The following GRAP2 variants were observed in gnomAD, a reference collection of about 807,000 sequenced individuals.
The protein encoded by GRAP2 is GRB2 related adaptor protein 2, also known as GRB2-related adapter protein 2.
GRAP2 carries 31 observed loss-of-function variants against 43.5 expected under a neutral mutation model. The observed-to-expected ratio is 0.71, with a 90% CI of 0.54 to 0.96. The LOEUF is 0.96. GRAP2 is among the 40% of genes least tolerant of loss of function. The pLI is 0.00. For missense variants in GRAP2, 371 were observed against 424.4 expected (o/e 0.87, Z 1.11); for synonymous variants, 156 against 164.8 (o/e 0.95, Z 0.41).
At chr22:39,936,228 G>T (rs2066805194) in intron 1 of GRAP2, among the ~76,000 whole-genome samples, 3 of 152,102 alleles carry the variant, frequency 2.0e-5, no homozygotes, top group Admixed American at 2.0e-4. Context: ...CTTCTGATGG[G>T]GTTCATTAGA....
chr22:39,933,142 A>T (rs888332237), intron 1 of GRAP2, among the ~76,000 whole-genome samples: 3 of 136,796 alleles, frequency 2.2e-5, no homozygotes, highest in Non-Finnish European at 4.6e-5. Context: ...GCCTTTGTTT[A>T]AGTAAGAAGA....
chr22:39,970,846 C>T, intron 7 of GRAP2, 59 bp from the exon 8 acceptor site: 1 of 1,419,604 alleles, frequency 7.0e-7, no homozygotes, highest in Non-Finnish European at 9.5e-7. Flanking sequence ...GCCAGCAGAC[C>T]CTCCCCTGCC....
intron 1 of GRAP2, among the ~76,000 whole-genome samples, chr22:39,938,681 C>T (rs11913888): frequency 6.6e-6 from 1 of 152,246 alleles, no homozygotes; most frequent in Non-Finnish European, 1.5e-5. Flanking sequence ...GCCCACGCCT[C>T]GGTATCTCAC....
chr22:39,962,874 G>A (rs558646058), intron 4 of GRAP2, among the ~76,000 whole-genome samples: 2 of 152,066 alleles, frequency 1.3e-5, no homozygotes, highest in African/African-American at 4.8e-5. Context: ...TCGTCATGTT[G>A]GCCAGGCTGG....
At chr22:39,914,282 G>A (rs562172876) in intron 1 of GRAP2, among the ~76,000 whole-genome samples, 2 of 152,200 alleles carry the variant, frequency 1.3e-5, no homozygotes, top group African/African-American at 4.8e-5. Flanking sequence ...TGCACTTATA[G>A]TCTAGTTGGA....
Position 39,960,165 on chromosome 22 carries a change from T to C in GRAP2, c.281T>C (p.Ile94Thr). Residue 94 changes from isoleucine (I) to threonine (T), a missense_variant, in exon 4 of 8, where the codon ATC (isoleucine) becomes ACC (threonine). Physicochemically the swap from Ile to Thr is moderately conservative, Grantham distance 89 (BLOSUM62 -1). Coordinates refer to ENST00000344138, the MANE Select transcript of GRAP2 (RefSeq NM_004810.4). Reference sequence around the variant, plus strand: ...CAGAGCTCCCCAGGGGACTTCTCCATCTCTGTCAGGTACTGACCATTCCTG... The same window carrying C: ...CAGAGCTCCCCAGGGGACTTCTCCACCTCTGTCAGGTACTGACCATTCCTG... The part of the protein sequence containing the change: ...ASQSSPGDFS[I>T]SVRHEDDVQH... 6.2e-7 allele frequency: 1 copy of C among 1,613,850 alleles called. No homozygotes were observed. The highest frequency in any genetic ancestry group is 8.5e-7 in the Non-Finnish European group (1 of 1,179,722).
chr22:39,956,266 T>C (rs2067049741), intron 3 of GRAP2, among the ~76,000 whole-genome samples: 1 of 151,224 alleles, frequency 6.6e-6, no homozygotes, highest in South Asian at 2.1e-4. Context: ...CAAGCCATCC[T>C]CTCACCTCAG....
intron 1 of GRAP2, among the ~76,000 whole-genome samples, chr22:39,942,449 C>T (rs911104460): frequency 2.0e-5 from 3 of 152,166 alleles, no homozygotes; most frequent in Admixed American, 2.0e-4. Flanking sequence ...ACTACTCTCA[C>T]TATTCTCTTA....
At position 39,973,440 on chromosome 22, in the gene GRAP2, G is replaced by T. The variant is rs776357185; in HGVS notation, c.*2356G>T. 3 of 152,330 alleles carry T rather than the reference G, an allele frequency of 2.0e-5. No homozygotes were observed. The highest frequency in any genetic ancestry group is 3.9e-4 in the East Asian group (2 of 5,190). The allele number at this position is 152,330 out of a possible 1,614,324, so 9.4% of individuals were successfully genotyped here. A position where few individuals can be genotyped will look rare whatever the true frequency, so the allele number is the denominator to read the frequency against. The stretch of plus-strand genomic sequence containing the variant: ...TCATCGGCCTGCAGGAGCTGACCCC[G>T]TAGGCAGGCGGTATGAGCAGAGCTT... On this transcript the variant is annotated 3_prime_UTR_variant, in exon 8 of 8. Coordinates refer to ENST00000344138, the MANE Select transcript of GRAP2 (RefSeq NM_004810.4).
chr22:39,932,434 G>C (rs559839158), intron 1 of GRAP2, among the ~76,000 whole-genome samples: 290 of 151,984 alleles, frequency 1.9e-3, no homozygotes, highest in African/African-American at 6.8e-3. Context: ...TAGCTGGCTG[G>C]GCACAGTGGC....
At chr22:39,938,364 G>C (rs576007757) in intron 1 of GRAP2, among the ~76,000 whole-genome samples, 33 of 152,376 alleles carry the variant, frequency 2.2e-4, no homozygotes, top group African/African-American at 7.5e-4. Context: ...TGTGTAAAGT[G>C]TGTCCATACG....
At chr22:39,956,630 A>C (rs552614986) in intron 3 of GRAP2, among the ~76,000 whole-genome samples, 1 of 150,918 alleles carries the variant, frequency 6.6e-6, no homozygotes, top group Non-Finnish European at 1.5e-5. Context: ...CACCACACCC[A>C]GCTAACTTTT....
At chr22:39,947,000 C>CTCCTAG (rs2066929122) in intron 1 of GRAP2, 93 bp from the exon 2 acceptor site, 16 of 783,530 alleles carry the variant, frequency 2.0e-5, no homozygotes, top group Non-Finnish European at 3.2e-5. Context: ...TCTGCCCACT[C>CTCCTAG]TCCTAGGAAC....
intron 1 of GRAP2, among the ~76,000 whole-genome samples, chr22:39,925,138 G>A (rs903947758): frequency 1.3e-5 from 2 of 152,118 alleles, no homozygotes; most frequent in Admixed American, 1.3e-4. Context: ...CAAGCAAGGT[G>A]GAATTATTAA....
At chr22:39,934,913 A>G (rs1343636794) in intron 1 of GRAP2, among the ~76,000 whole-genome samples, 1 of 152,222 alleles carries the variant, frequency 6.6e-6, no homozygotes, top group Non-Finnish European at 1.5e-5. Flanking sequence ...ACAGTGTAAC[A>G]CAATTACAAA....
At chr22:39,925,349 C>T (rs1444644862) in intron 1 of GRAP2, among the ~76,000 whole-genome samples, 5 of 152,158 alleles carry the variant, frequency 3.3e-5, no homozygotes, top group Non-Finnish European at 7.3e-5. Flanking sequence ...AATTCTGCCT[C>T]AATGTGCCTA....
intron 3 of GRAP2, among the ~76,000 whole-genome samples, chr22:39,958,601 A>T (rs1172478373): frequency 2.6e-5 from 4 of 152,118 alleles, no homozygotes. Context: ...AACCATGACC[A>T]CTCATGTCTA....
intron 1 of GRAP2, among the ~76,000 whole-genome samples, chr22:39,921,355 T>C (rs1230418877): frequency 6.6e-6 from 1 of 152,222 alleles, no homozygotes; most frequent in Admixed American, 6.5e-5. Context: ...TTATGAAAAT[T>C]AGATTGATTG....
Position 39,922,797 on chromosome 22 carries a change from C to T in GRAP2, c.-15+21467C>T, listed in dbSNP as rs536473508. 1.2e-4 allele frequency among the ~76,000 whole-genome samples: 19 copies of T among 152,304 alleles called. No homozygotes were observed. The South Asian group carries it at 3.7e-3, about 30-fold the overall frequency. On this transcript the variant is annotated intron_variant, in intron 1 of 7. Transcript: ENST00000344138. ...GTGGCTCGCGCCTGTAATCCCCACA[C>T]TTTGGGACGCCGAGGCAGGTGGATT... is the stretch of plus-strand genomic sequence containing the variant.
Sources: allele counts gnomAD v4.1 joint callset (sites outside exome capture counted in the v4.1 genomes callset), GRCh38; gene constraint gnomAD v4.1.1; transcripts MANE v1.5; gene names NCBI Gene and HGNC (gene_info 2026-07-23, HGNC 2026-07-21).